Variants in LEMD1 observed in about 807,000 individuals in gnomAD.
LEMD1 encodes the protein LEM domain-containing protein 1.
In LEMD1, 18 loss-of-function variants were observed where a neutral mutation model predicts 17.4. The ratio of observed to expected loss-of-function variants is 1.04; its 90% CI spans 0.72 to 1.54. The LOEUF (loss-of-function observed/expected upper bound fraction) is 1.54, where lower values mean the gene tolerates loss of function less well. Ranked by LOEUF, LEMD1 falls within the 40% of genes most tolerant of loss-of-function variation. The pLI, the probability that LEMD1 is intolerant of heterozygous loss-of-function variation, is 0.00. For synonymous variants in LEMD1, 88 were observed against 77.8 expected (o/e 1.13, Z -0.69); for missense variants, 195 against 210.4 (o/e 0.93, Z 0.45).
chr1:205,430,878 T>C (rs543055191), intron 1 of LEMD1, among the ~76,000 whole-genome samples: 72 of 152,336 alleles, frequency 4.7e-4, no homozygotes, highest in Non-Finnish European at 8.1e-4. Context: ...ATTTTGACAG[T>C]TCAGATGTAA....
intron 3 of LEMD1, among the ~76,000 whole-genome samples, chr1:205,418,276 A>T (rs111411586): frequency 1.3e-5 from 2 of 152,322 alleles, no homozygotes; most frequent in African/African-American, 4.8e-5. Flanking sequence ...TATTTGTTGA[A>T]TGGAAATGCC....
chr1:205,423,091 C>G (rs1666004433), upstream of LEMD1, among the ~76,000 whole-genome samples: 1 of 152,150 alleles, frequency 6.6e-6, no homozygotes, highest in Non-Finnish European at 1.5e-5. Flanking sequence ...CCTCAGGAGG[C>G]TTCATCTCAT....
At chr1:205,403,700 C>T (rs1664958949) in intron 4 of LEMD1, among the ~76,000 whole-genome samples, 2 of 152,176 alleles carry the variant, frequency 1.3e-5, no homozygotes, top group African/African-American at 2.4e-5. Context: ...TCTCTATTTC[C>T]TTCAGTTCTG....
chr1:205,385,529 AT>A (rs1176146602), intron 4 of LEMD1: 3 of 152,130 alleles, frequency 2.0e-5, no homozygotes. Context: ...TCATTTAACA[AT>A]TATTTGTTGC....
intron 1 of LEMD1, among the ~76,000 whole-genome samples, chr1:205,444,222 G>C (rs554236682): frequency 5.4e-4 from 82 of 152,228 alleles, no homozygotes; most frequent in South Asian, 2.3e-3. Context: ...AGGATGGAGA[G>C]GCAGGGTGGA....
At chr1:205,394,615 C>G (rs1290058072) in intron 4 of LEMD1, among the ~76,000 whole-genome samples, 1 of 152,134 alleles carries the variant, frequency 6.6e-6, no homozygotes, top group African/African-American at 2.4e-5. Flanking sequence ...GAACTTCTGA[C>G]CTCAGGTGAT....
At chr1:205,382,005 C>CA in intron 5 of LEMD1, 149 bp from the exon 6 acceptor site, 1 of 667,216 alleles carries the variant, frequency 1.5e-6, no homozygotes, top group East Asian at 2.6e-5. Flanking sequence ...AGGCTAATTT[C>CA]TTTTTTTTTC....
intron 5 of LEMD1, 47 bp downstream of exon 5, chr1:205,384,241 A>G (rs1359349883): frequency 8.8e-7 from 1 of 1,142,248 alleles, no homozygotes; most frequent in Admixed American, 3.4e-5. Flanking sequence ...CCAGAGCTAC[A>G]GAATACAATA....
At chr1:205,413,017 G>A (rs1238434289) in intron 4 of LEMD1, among the ~76,000 whole-genome samples, 1 of 152,112 alleles carries the variant, frequency 6.6e-6, no homozygotes, top group Non-Finnish European at 1.5e-5. Flanking sequence ...TAGAAATTTT[G>A]GTATGATATC....
chr1:205,422,621 G>A (rs1266497775), upstream of LEMD1, among the ~76,000 whole-genome samples: 4 of 121,516 alleles, frequency 3.3e-5, no homozygotes, highest in East Asian at 3.4e-4. Flanking sequence ...CATCTACATC[G>A]CAAAAGCCTA....
At chr1:205,398,953 G>A (rs927213190) in intron 4 of LEMD1, among the ~76,000 whole-genome samples, 24 of 152,152 alleles carry the variant, frequency 1.6e-4, no homozygotes, top group Non-Finnish European at 2.6e-4. Flanking sequence ...GGTGACTCAC[G>A]CTTGTAATCC....
chr1:205,432,675 G>T (rs1482309157), intron 1 of LEMD1, among the ~76,000 whole-genome samples: 4 of 152,332 alleles, frequency 2.6e-5, no homozygotes. Context: ...ATGGGCAGAA[G>T]TCTGTAGACG....
At chr1:205,425,764 A>G (rs1666046851), upstream of LEMD1, among the ~76,000 whole-genome samples, 2 of 152,222 alleles carry the variant, frequency 1.3e-5, no homozygotes, top group Non-Finnish European at 1.5e-5. Context: ...AAAAAACAAC[A>G]AATGTGTATA....
chr1:205,447,446 G>A (rs1288421732), intron 1 of LEMD1, among the ~76,000 whole-genome samples: 1 of 152,102 alleles, frequency 6.6e-6, no homozygotes, highest in African/African-American at 2.4e-5. Flanking sequence ...TTCTTCAGTG[G>A]TCTGTCTTAG....
At chr1:205,383,577 A>C in intron 5 of LEMD1, among the ~76,000 whole-genome samples, 1 of 146,776 alleles carries the variant, frequency 6.8e-6, no homozygotes, top group Non-Finnish European at 1.5e-5. Context: ...GACCTATTGA[A>C]CCCTAGGTCT....
intron 1 of LEMD1, chr1:205,436,035 A>C (rs1666198626): frequency 6.6e-6 from 1 of 152,242 alleles, no homozygotes; most frequent in African/African-American, 2.4e-5. Flanking sequence ...CAACGGGATA[A>C]AAATAGCAGT....
At chr1:205,430,334 A>G (rs1414517659) in intron 1 of LEMD1, among the ~76,000 whole-genome samples, 1 of 152,166 alleles carries the variant, frequency 6.6e-6, no homozygotes, top group East Asian at 1.9e-4. Context: ...GGCATCCTCA[A>G]ATCAGACCTG....
chr1:205,396,260 C>A (rs1286078072), intron 4 of LEMD1, among the ~76,000 whole-genome samples: 2 of 152,194 alleles, frequency 1.3e-5, no homozygotes, highest in Non-Finnish European at 2.9e-5. Flanking sequence ...ACTCCTTCCA[C>A]CTTGGACTCT....
chr1:205,384,514 T>A, intron 4 of LEMD1, 150 bp from the exon 5 acceptor site: 1 of 519,280 alleles, frequency 1.9e-6, no homozygotes, highest in Non-Finnish European at 3.4e-6. Flanking sequence ...AACTTGTTTG[T>A]CTTTATTCAA....
Sources: gnomAD v4.1 joint callset for allele counts (sites outside exome capture counted in the v4.1 genomes callset) on GRCh38, gnomAD v4.1.1 for gene constraint, MANE v1.5 for transcripts, NCBI Gene and HGNC (gene_info 2026-07-23, HGNC 2026-07-21) for gene names.